DDX60L: variants seen among roughly 807,000 people sequenced by gnomAD.
The protein encoded by DDX60L is DExD/H-box 60 like.
A neutral mutation model predicts 211.6 loss-of-function variants in DDX60L; 191 were observed. The ratio of observed to expected loss-of-function variants is 0.90; its 90% CI spans 0.80 to 1.02. The LOEUF (loss-of-function observed/expected upper bound fraction) is 1.02. Ranked by LOEUF, DDX60L falls within the 50% of genes least tolerant of loss-of-function variation. The pLI is 0.00. For missense variants in DDX60L, 2,007 were observed against 1,984.1 expected (o/e 1.01, Z -0.22); for synonymous variants, 706 against 694.1 (o/e 1.02, Z -0.27).
intron 8 of DDX60L, among the ~76,000 whole-genome samples, chr4:168,449,648 A>G (rs1755417304): frequency 1.9e-5 from 1 of 52,338 alleles, no homozygotes; most frequent in Non-Finnish European, 3.4e-5. Context: ...AAAAAAAAAA[A>G]ATGCAAAAAA....
intron 4 of DDX60L, among the ~76,000 whole-genome samples, chr4:168,463,160 C>G (rs1757543433): frequency 6.6e-6 from 1 of 152,140 alleles, no homozygotes. Flanking sequence ...ATAAATCATT[C>G]CATCATAAAG....
intron 28 of DDX60L, among the ~76,000 whole-genome samples, chr4:168,393,175 A>G (rs1745146076): frequency 6.6e-6 from 1 of 152,162 alleles, no homozygotes; most frequent in Non-Finnish European, 1.5e-5. Context: ...TTTATTTATG[A>G]TATCTAATAC....
At chr4:168,370,509 G>A (rs1434493107) in intron 36 of DDX60L, among the ~76,000 whole-genome samples, 1 of 152,104 alleles carries the variant, frequency 6.6e-6, no homozygotes, top group Non-Finnish European at 1.5e-5. Flanking sequence ...AAGTTCTAGT[G>A]TTTTATTGCA....
chr4:168,463,424 C>T (rs1757577721), intron 4 of DDX60L, among the ~76,000 whole-genome samples: 1 of 152,080 alleles, frequency 6.6e-6, no homozygotes, highest in African/African-American at 2.4e-5. Flanking sequence ...ACAGACACTG[C>T]AGCCTATTGG....
At chr4:168,362,371 G>A (rs561882982) in intron 36 of DDX60L, among the ~76,000 whole-genome samples, 2 of 152,252 alleles carry the variant, frequency 1.3e-5, no homozygotes, top group East Asian at 3.9e-4. Flanking sequence ...GCCCACATAT[G>A]CCTGCACTCA....
intron 18 of DDX60L, 69 bp downstream of exon 18, chr4:168,420,192 C>G: frequency 7.9e-7 from 1 of 1,260,620 alleles, no homozygotes; most frequent in Non-Finnish European, 1.1e-6. Flanking sequence ...TTTGCAGATT[C>G]CCAGCAAAAC....
intron 1 of DDX60L, among the ~76,000 whole-genome samples, chr4:168,479,190 A>C (rs1760045338): frequency 6.6e-6 from 1 of 152,020 alleles, no homozygotes. Context: ...TATAGACAAA[A>C]ACTTGTCTCT....
At chr4:168,400,308 A>G (rs1035171113) in intron 26 of DDX60L, among the ~76,000 whole-genome samples, 18 of 152,132 alleles carry the variant, frequency 1.2e-4, no homozygotes, top group African/African-American at 4.1e-4. Context: ...GCTATTGTGA[A>G]TGGTGCTTCA....
intron 7 of DDX60L, among the ~76,000 whole-genome samples, chr4:168,454,265 C>T (rs937274111): frequency 6.6e-6 from 1 of 152,088 alleles, no homozygotes; most frequent in Non-Finnish European, 1.5e-5. Flanking sequence ...TTAGAGAAAT[C>T]TACATAGCTA....
At chr4:168,402,792 T>A (rs1297989215) in intron 25 of DDX60L, among the ~76,000 whole-genome samples, 1 of 152,194 alleles carries the variant, frequency 6.6e-6, no homozygotes, top group Non-Finnish European at 1.5e-5. Context: ...GAGTTCTCAA[T>A]GTTCCAGAGC....
intron 17 of DDX60L, 32 bp from the exon 18 acceptor site, chr4:168,420,412 TTAG>T: frequency 6.3e-7 from 1 of 1,586,160 alleles, no homozygotes; most frequent in Non-Finnish European, 8.6e-7. Context: ...CATTAGTCAC[TTAG>T]TAGAGAAGAG....
chr4:168,396,618 A>C (rs775513582), intron 26 of DDX60L, among the ~76,000 whole-genome samples: 1 of 152,062 alleles, frequency 6.6e-6, no homozygotes, highest in Admixed American at 6.5e-5. Flanking sequence ...TGATTATACC[A>C]TTAAATACTC....
chr4:168,443,571 A>C (rs1754281501), intron 9 of DDX60L, among the ~76,000 whole-genome samples: 1 of 152,090 alleles, frequency 6.6e-6, no homozygotes, highest in African/African-American at 2.4e-5. Context: ...AAGACACATA[A>C]TTGTCAGATT....
intron 29 of DDX60L, among the ~76,000 whole-genome samples, chr4:168,388,904 T>C (rs1377860811): frequency 6.6e-6 from 1 of 152,156 alleles, no homozygotes; most frequent in African/African-American, 2.4e-5. Context: ...CAAGAGACTG[T>C]GATAGCAATA....
At chr4:168,449,445 T>C (rs1281830954) in intron 8 of DDX60L, among the ~76,000 whole-genome samples, 1 of 90,700 alleles carries the variant, frequency 1.1e-5, no homozygotes, top group East Asian at 3.3e-4. Flanking sequence ...AAGGGGAATA[T>C]CACACTCTGG....
In DDX60L at chr4:168,471,911, CAA is replaced by C; in HGVS notation, c.98_99del (p.Phe33CysfsTer4). On this transcript the variant is annotated frameshift_variant, in exon 4 of 38. Transcript: ENST00000682922. LOFTEE classifies it high-confidence loss of function. Reference sequence around the variant, plus strand: ...TCAATCACAAAAAAATTAGATTCCACAAAATCATTTAATATGCTGGAATACCT... The same window carrying C: ...TCAATCACAAAAAAATTAGATTCCACAATCATTTAATATGCTGGAATACCT... ...KAGYSSILND[F>X]VESNFFVIDG... The C allele has an allele frequency of 6.2e-7, 1 of 1,607,356 alleles. No homozygotes were observed. The highest frequency in any genetic ancestry group is 8.5e-7 in the Non-Finnish European group (1 of 1,177,786).
Position 168,392,554 on chromosome 4 carries a change from A to T in DDX60L, c.3811-910T>A, listed in dbSNP as rs187814792. On this transcript the variant is annotated intron_variant, in intron 28 of 37. Coordinates refer to ENST00000682922, the MANE Select transcript of DDX60L (RefSeq NM_001012967.3). Reference sequence around the variant, plus strand: ...AATGAGTATCATTTAGAAAAAAAAAAGTGTTCTGGCCAAGTGTAGTGGCTC... The same window carrying T: ...AATGAGTATCATTTAGAAAAAAAAATGTGTTCTGGCCAAGTGTAGTGGCTC... Among the ~76,000 whole-genome samples the T allele has an allele frequency of 3.7e-4, 57 of 152,292 alleles. No individual in the cohort carries two copies. In the East Asian group the frequency reaches 8.7e-3, roughly 23 times the overall value.
chr4:168,449,651 G>GAAAAAAAAAAAAAAAAAAA (rs1561098576), intron 8 of DDX60L, among the ~76,000 whole-genome samples: 1 of 7,516 alleles, frequency 1.3e-4, no homozygotes, highest in African/African-American at 9.0e-4. Context: ...AAAAAAAAAT[G>GAAAAAAAAAAAAAAAAAAA]CAAAAAAAAA....
intron 9 of DDX60L, among the ~76,000 whole-genome samples, chr4:168,446,141 A>G (rs1754758803): frequency 6.6e-6 from 1 of 151,186 alleles, no homozygotes; most frequent in African/African-American, 2.4e-5. Flanking sequence ...CCATTGTCTC[A>G]GCCCAAAATC....
Sources: allele counts gnomAD v4.1 joint callset (sites outside exome capture counted in the v4.1 genomes callset), GRCh38; gene constraint gnomAD v4.1.1; transcripts MANE v1.5; gene names NCBI Gene and HGNC (gene_info 2026-07-23, HGNC 2026-07-21).